The following SLCO1B1 variants were observed in gnomAD, a reference collection of about 807,000 sequenced individuals.
The protein encoded by SLCO1B1 is OATP-2.
In SLCO1B1, 81 loss-of-function variants were observed where a neutral mutation model predicts 70.1. That is an observed-to-expected ratio of 1.16 (90% CI 0.97 to 1.39). The LOEUF (loss-of-function observed/expected upper bound fraction) is 1.39, where lower values mean the gene tolerates loss of function less well. Ranked by LOEUF, SLCO1B1 falls within the 40% of genes most tolerant of loss-of-function variation. The pLI, the probability that SLCO1B1 is intolerant of heterozygous loss-of-function variation, is 0.00. For synonymous variants in SLCO1B1, 283 were observed against 271.5 expected, an observed-to-expected ratio of 1.04 and a Z score of -0.42; for missense variants, 895 against 799.6, an observed-to-expected ratio of 1.12 and a Z score of -1.44.
At chr12:21,163,539 A>G (rs1256826305) in intron 2 of SLCO1B1, among the ~76,000 whole-genome samples, 1 of 152,212 alleles carries the variant, frequency 6.6e-6, no homozygotes, top group Non-Finnish European at 1.5e-5. Flanking sequence ...TCAGGCTGCT[A>G]TGACAAAAAT....
intron 2 of SLCO1B1, among the ~76,000 whole-genome samples, chr12:21,172,238 G>T (rs976673226): frequency 2.0e-5 from 3 of 152,230 alleles, no homozygotes; most frequent in Non-Finnish European, 4.4e-5. Context: ...CTGTTTTTCA[G>T]CTGGCTTCCT....
intron 2 of SLCO1B1, 43 bp from the exon 3 acceptor site, chr12:21,172,607 C>A: frequency 1.2e-6 from 2 of 1,607,596 alleles, no homozygotes; most frequent in South Asian, 1.1e-5. Flanking sequence ...TTATATAGTC[C>A]TTCGATTAAC....
chr12:21,228,614 G>A (rs1020940856), intron 14 of SLCO1B1, among the ~76,000 whole-genome samples: 1 of 152,154 alleles, frequency 6.6e-6, no homozygotes, highest in African/African-American at 2.4e-5. Context: ...AAAAGAGGAG[G>A]TCAGAAGGAT....
chr12:21,230,417 G>A (rs1303283486), intron 14 of SLCO1B1, among the ~76,000 whole-genome samples: 11 of 134,534 alleles, frequency 8.2e-5, no homozygotes, highest in Admixed American at 1.7e-4. Context: ...CGCAACCTCC[G>A]CTTCCCAGGT....
chr12:21,190,825 C>A (rs768053069), intron 7 of SLCO1B1, among the ~76,000 whole-genome samples: 8 of 152,068 alleles, frequency 5.3e-5, no homozygotes, highest in Non-Finnish European at 1.2e-4. Context: ...CCAGTTCCAT[C>A]CAAGTTCCTG....
chr12:21,165,006 T>C, intron 2 of SLCO1B1: 3 of 350,116 alleles, frequency 8.6e-6, no homozygotes, highest in Non-Finnish European at 1.7e-5. Flanking sequence ...CTCAACTACA[T>C]AGCTTAGCAG....
At chr12:21,162,636 T>C (rs979430008) in intron 2 of SLCO1B1, among the ~76,000 whole-genome samples, 13 of 152,170 alleles carry the variant, frequency 8.5e-5, no homozygotes, top group African/African-American at 3.1e-4. Context: ...CTCAAGATAA[T>C]AAGGAGATGT....
chr12:21,214,668 G>C (rs1186527890), intron 11 of SLCO1B1, among the ~76,000 whole-genome samples: 3 of 151,698 alleles, frequency 2.0e-5, no homozygotes, highest in African/African-American at 7.3e-5. Flanking sequence ...CAGCCTCGCT[G>C]CCGCCTTGCA....
chr12:21,214,772 G>A (rs1346241793), intron 11 of SLCO1B1, among the ~76,000 whole-genome samples: 3 of 152,236 alleles, frequency 2.0e-5, no homozygotes, highest in South Asian at 2.1e-4. Context: ...GTGGTGCGCC[G>A]TTTTTTAAGC....
chr12:21,194,510 A>C (rs532006506), intron 7 of SLCO1B1, among the ~76,000 whole-genome samples: 3 of 152,040 alleles, frequency 2.0e-5, no homozygotes, highest in Admixed American at 6.6e-5. Flanking sequence ...TGTCATTTCT[A>C]TTTGAGACCT....
At chr12:21,183,252 G>A (rs1378745921) in intron 7 of SLCO1B1, among the ~76,000 whole-genome samples, 1 of 152,200 alleles carries the variant, frequency 6.6e-6, no homozygotes, top group Non-Finnish European at 1.5e-5. Flanking sequence ...CTAGAGCGCA[G>A]AGAAGCAATC....
At chr12:21,168,662 C>T (rs1940721579) in intron 2 of SLCO1B1, among the ~76,000 whole-genome samples, 1 of 152,050 alleles carries the variant, frequency 6.6e-6, no homozygotes, top group Admixed American at 6.6e-5. Flanking sequence ...TTTTAATGTG[C>T]TTATTGGCTC....
intron 12 of SLCO1B1, among the ~76,000 whole-genome samples, chr12:21,222,071 T>C (rs1941428614): frequency 6.6e-6 from 1 of 151,962 alleles, no homozygotes; most frequent in East Asian, 1.9e-4. Flanking sequence ...GAGAAAATAT[T>C]TTAAGCCATC....
intron 2 of SLCO1B1, among the ~76,000 whole-genome samples, chr12:21,155,568 G>T (rs1205011025): frequency 6.6e-6 from 1 of 151,786 alleles, no homozygotes; most frequent in Non-Finnish European, 1.5e-5. Context: ...TCACTATTTT[G>T]CCCTGAAGTC....
chr12:21,146,183 T>C (rs1940379935), intron 2 of SLCO1B1, among the ~76,000 whole-genome samples: 1 of 152,058 alleles, frequency 6.6e-6, no homozygotes, highest in African/African-American at 2.4e-5. Context: ...GGGTAGATCG[T>C]GTCTTTCAAT....
At chr12:21,182,885 T>A (rs939702433) in intron 7 of SLCO1B1, among the ~76,000 whole-genome samples, 3 of 152,114 alleles carry the variant, frequency 2.0e-5, no homozygotes, top group African/African-American at 7.2e-5. Flanking sequence ...CATGCCTCAT[T>A]TCATAGGCCC....
At chr12:21,190,777 T>A (rs1941021632) in intron 7 of SLCO1B1, among the ~76,000 whole-genome samples, 1 of 152,138 alleles carries the variant, frequency 6.6e-6, no homozygotes, top group African/African-American at 2.4e-5. Flanking sequence ...AGTATTTGGT[T>A]TTCCATTCCT....
At chr12:21,178,233 G>A (rs1255712080) in intron 5 of SLCO1B1, among the ~76,000 whole-genome samples, 4 of 152,182 alleles carry the variant, frequency 2.6e-5, no homozygotes, top group African/African-American at 9.6e-5. Flanking sequence ...TTTTATAAAT[G>A]AGAGTTCCCC....
Position 21,141,584 on chromosome 12 carries a change from A to G in SLCO1B1, c.10A>G (p.Asn4Asp). The change falls in exon 2 of 15, where the codon AAT becomes GAT. Residue 4 changes from asparagine (N) to aspartate (D), a missense_variant. Transcript: ENST00000256958. MDQ[N>D]QHLNKTAEAQ... ...TATCTATATTTCAATCATGGACCAA[A>G]ATCAACATTTGAATAAAACAGCAGA... is the stretch of plus-strand genomic sequence containing the variant. 3 of 1,607,056 alleles carry G rather than the reference A, an allele frequency of 1.9e-6. No homozygotes were observed. Among genetic ancestry groups the G allele is most frequent in the Non-Finnish European group, 1.7e-6 (2 of 1,174,678 alleles).
Sources: gnomAD v4.1 joint callset for allele counts (sites outside exome capture counted in the v4.1 genomes callset) on GRCh38, gnomAD v4.1.1 for gene constraint, MANE v1.5 for transcripts, NCBI Gene and HGNC (gene_info 2026-07-23, HGNC 2026-07-21) for gene names.